The following COMMD1 variants were observed in gnomAD, a reference collection of about 807,000 sequenced individuals.
The protein encoded by COMMD1 is copper metabolism domain containing 1.
In COMMD1, 10 loss-of-function variants were observed where a neutral mutation model predicts 17.2. That is an observed-to-expected ratio of 0.58 (90% CI 0.36 to 0.99). The LOEUF is 0.99. Ranked by LOEUF, COMMD1 falls within the 50% of genes least tolerant of loss-of-function variation. COMMD1 has a pLI of 0.01. For missense variants in COMMD1, 270 were observed against 231.8 expected (o/e 1.17, Z -1.07); for synonymous variants, 97 against 91.6 (o/e 1.06, Z -0.34).
At chr2:62,058,737 C>CAA (rs549048404) in intron 2 of COMMD1, among the ~76,000 whole-genome samples, 1 of 144,280 alleles carries the variant, frequency 6.9e-6, no homozygotes, top group African/African-American at 2.5e-5. Context: ...AACCCTGTCT[C>CAA]AAAAAAAAAA....
intron 1 of COMMD1, among the ~76,000 whole-genome samples, chr2:61,954,672 ACT>A (rs199801139): frequency 6.1e-5 from 9 of 147,000 alleles, no homozygotes; most frequent in African/African-American, 2.0e-4. Flanking sequence ...ATTATGCTTC[ACT>A]CTCTCTCTCT....
At chr2:61,888,675 C>T (rs1669324647), upstream of COMMD1, 1 of 755,350 alleles carries the variant, frequency 1.3e-6, no homozygotes, top group Non-Finnish European at 2.0e-6. Context: ...CCTTGCCGCG[C>T]GGCGCTGGCG....
chr2:61,970,519 A>G (rs1179628596), intron 1 of COMMD1, among the ~76,000 whole-genome samples: 2 of 152,194 alleles, frequency 1.3e-5, no homozygotes, highest in African/African-American at 2.4e-5. Context: ...CAAATGCTAC[A>G]TAAGTACTTG....
chr2:62,078,239 C>CAAA (rs56320690), intron 2 of COMMD1, among the ~76,000 whole-genome samples: 6 of 19,866 alleles, frequency 3.0e-4, no homozygotes, highest in East Asian at 4.7e-3. Flanking sequence ...CACACCAATG[C>CAAA]AAAAAAAAAA....
intron 2 of COMMD1, among the ~76,000 whole-genome samples, chr2:62,094,967 A>C (rs749011277): frequency 3.3e-5 from 5 of 152,054 alleles, no homozygotes; most frequent in Non-Finnish European, 7.4e-5. Flanking sequence ...AGTCTTTTGG[A>C]TTGTTTAGAG....
intron 1 of COMMD1, among the ~76,000 whole-genome samples, chr2:61,983,017 T>G (rs1398076291): frequency 6.6e-6 from 1 of 152,174 alleles, no homozygotes; most frequent in Non-Finnish European, 1.5e-5. Context: ...GGTTTTGGTG[T>G]CAGGGCAATA....
chr2:61,959,803 C>T (rs1671291185), intron 1 of COMMD1, among the ~76,000 whole-genome samples: 1 of 152,200 alleles, frequency 6.6e-6, no homozygotes, highest in Admixed American at 6.5e-5. Flanking sequence ...AAGGGTGCTA[C>T]TCAAAGCTGT....
chr2:61,929,824 T>A (rs1446260873), intron 1 of COMMD1, among the ~76,000 whole-genome samples: 1 of 151,948 alleles, frequency 6.6e-6, no homozygotes, highest in Non-Finnish European at 1.5e-5. Context: ...TTCTGGAGGC[T>A]AAGGTGGGAG....
intron 1 of COMMD1, among the ~76,000 whole-genome samples, chr2:61,937,353 C>T (rs1198858997): frequency 6.6e-6 from 1 of 152,124 alleles, no homozygotes; most frequent in Non-Finnish European, 1.5e-5. Context: ...CCCCTTTTGT[C>T]CAAGATTTGC....
intron 1 of COMMD1, among the ~76,000 whole-genome samples, chr2:61,906,602 C>T (rs985166951): frequency 6.8e-6 from 1 of 147,552 alleles, no homozygotes; most frequent in African/African-American, 2.6e-5. Flanking sequence ...TATTGGACAA[C>T]TCTATTTAGA....
At chr2:62,043,190 C>T (rs1201946396) in intron 2 of COMMD1, among the ~76,000 whole-genome samples, 1 of 152,198 alleles carries the variant, frequency 6.6e-6, no homozygotes, top group Non-Finnish European at 1.5e-5. Context: ...TAGCTTGTAC[C>T]TTGGCCAGGT....
intron 2 of COMMD1, among the ~76,000 whole-genome samples, chr2:62,078,696 A>C (rs183890814): frequency 1.8e-3 from 274 of 149,104 alleles, no homozygotes; most frequent in African/African-American, 6.0e-3. Context: ...GTGAAACTCT[A>C]TCTCTATTAA....
At chr2:61,938,694 T>A (rs1273857406) in intron 1 of COMMD1, among the ~76,000 whole-genome samples, 1 of 152,200 alleles carries the variant, frequency 6.6e-6, no homozygotes, top group Non-Finnish European at 1.5e-5. Context: ...CTGAAGTTGC[T>A]GTGGACTCCT....
chr2:61,913,472 TC>T (rs1669964650), intron 1 of COMMD1, among the ~76,000 whole-genome samples: 1 of 150,544 alleles, frequency 6.6e-6, no homozygotes. Flanking sequence ...GGTCAGGAGA[TC>T]GAGACCATCC....
In COMMD1 at chr2:62,102,214, C is replaced by G. The variant is rs553557373; in HGVS notation, c.463-33617C>G. ...AGTCCTAATGCCTTATGACATCTCA[C>G]GTTGACTATAAATCACCTGGACTCC... On this transcript the variant is annotated intron_variant, in intron 2 of 2. Transcript: ENST00000311832. 5.9e-5 allele frequency among the ~76,000 whole-genome samples: 9 copies of G among 152,308 alleles called. 3 individuals carry two copies. The highest frequency in any genetic ancestry group is 1.9e-4 in the African/African-American group (8 of 41,552).
intron 1 of COMMD1, among the ~76,000 whole-genome samples, chr2:61,950,439 A>G (rs1265402960): frequency 2.0e-5 from 3 of 152,224 alleles, no homozygotes; most frequent in Admixed American, 2.0e-4. Flanking sequence ...AATTCACTCA[A>G]TAGTCAGAGA....
chr2:62,131,341 T>C (rs992712705), intron 2 of COMMD1, among the ~76,000 whole-genome samples: 11 of 152,214 alleles, frequency 7.2e-5, no homozygotes, highest in Non-Finnish European at 1.3e-4. Flanking sequence ...GCTAGTTTGA[T>C]TCTTGACTCA....
intron 1 of COMMD1, among the ~76,000 whole-genome samples, chr2:61,918,823 A>AT (rs1255941609): frequency 4.6e-5 from 7 of 152,094 alleles, no homozygotes; most frequent in Middle Eastern, 3.4e-3. Flanking sequence ...AAAAATCATG[A>AT]TTTTTTTGTC....
intron 2 of COMMD1, among the ~76,000 whole-genome samples, chr2:62,063,537 T>C (rs576052724): frequency 6.6e-6 from 1 of 152,280 alleles, no homozygotes; most frequent in East Asian, 1.9e-4. Context: ...GATTTTCTTA[T>C]AGTGTAATCA....
Sources: allele counts gnomAD v4.1 joint callset (sites outside exome capture counted in the v4.1 genomes callset), GRCh38; gene constraint gnomAD v4.1.1; transcripts MANE v1.5; gene names NCBI Gene and HGNC (gene_info 2026-07-23, HGNC 2026-07-21).